Variants in EVI5 observed in about 807,000 individuals in gnomAD.
EVI5 encodes the protein ecotropic viral integration site 5 protein homolog.
A neutral mutation model predicts 112.0 loss-of-function variants in EVI5; 73 were observed. That is an observed-to-expected ratio of 0.65 (90% CI 0.54 to 0.79). EVI5 has a LOEUF of 0.79. EVI5 is among the 30% of genes least tolerant of loss of function. The pLI, the probability that EVI5 is intolerant of heterozygous loss-of-function variation, is 0.00. For missense variants in EVI5, 900 were observed against 968.8 expected (o/e 0.93, Z 0.94); for synonymous variants, 305 against 319.9 (o/e 0.95, Z 0.50).
At position 92,752,108 on chromosome 1, in the gene EVI5, A is replaced by AT. The variant is rs767555640; in HGVS notation, c.-81-15482dup. The stretch of plus-strand genomic sequence containing the variant: ...TGTTGAAGAGCCTGTAACTACTCTA[A>AT]TTTTATTAACTAACCCATTTTTCCT... On this transcript the variant is annotated intron_variant, in intron 1 of 19. Coordinates refer to ENST00000684568, the MANE Select transcript of EVI5 (RefSeq NM_001350197.2). 7.2e-5 allele frequency among the ~76,000 whole-genome samples: 11 copies of AT among 152,216 alleles called. No homozygotes were observed. In the South Asian group the frequency reaches 2.1e-3, roughly 29 times the overall value.
intron 18 of EVI5, among the ~76,000 whole-genome samples, chr1:92,589,667 T>C (rs574093383): frequency 5.9e-5 from 9 of 152,278 alleles, no homozygotes; most frequent in South Asian, 2.1e-4. Flanking sequence ...CCTGCCTGCC[T>C]CTGTAGACTC....
At chr1:92,726,807 G>A (rs1445756033) in intron 2 of EVI5, among the ~76,000 whole-genome samples, 4 of 152,138 alleles carry the variant, frequency 2.6e-5, no homozygotes, top group Non-Finnish European at 5.9e-5. Context: ...ATGCAAGTGT[G>A]CTATTATAAG....
intron 10 of EVI5, among the ~76,000 whole-genome samples, chr1:92,669,627 A>G (rs1266797834): frequency 2.0e-5 from 3 of 149,752 alleles, no homozygotes; most frequent in African/African-American, 4.9e-5. Context: ...TTATCTTTTT[A>G]AAATGTCTGT....
chr1:92,769,435 T>A (rs1248070756), intron 1 of EVI5, among the ~76,000 whole-genome samples: 1 of 152,208 alleles, frequency 6.6e-6, no homozygotes, highest in African/African-American at 2.4e-5. Flanking sequence ...TCTGTCCTTG[T>A]CAGTATTTGT....
intron 1 of EVI5, among the ~76,000 whole-genome samples, chr1:92,762,936 A>G (rs1012902425): frequency 2.6e-5 from 4 of 152,144 alleles, no homozygotes; most frequent in Non-Finnish European, 5.9e-5. Flanking sequence ...ATAACCATGT[A>G]GTGAAAACTG....
At chr1:92,769,383 A>G (rs1394319075) in intron 1 of EVI5, among the ~76,000 whole-genome samples, 2 of 152,220 alleles carry the variant, frequency 1.3e-5, no homozygotes, top group South Asian at 2.1e-4. Flanking sequence ...AAAATTTTAC[A>G]TATTTCCTTG....
At chr1:92,573,840 A>G (rs1185683744) in intron 18 of EVI5, among the ~76,000 whole-genome samples, 5 of 152,132 alleles carry the variant, frequency 3.3e-5, no homozygotes, top group South Asian at 2.1e-4. Flanking sequence ...TTAGGATCTG[A>G]GAAAATTCCA....
intron 18 of EVI5, among the ~76,000 whole-genome samples, chr1:92,567,459 C>G (rs1022194840): frequency 6.6e-6 from 1 of 152,180 alleles, no homozygotes; most frequent in African/African-American, 2.4e-5. Context: ...ATGCTCTATA[C>G]AGGTGTACCA....
In EVI5 at chr1:92,513,524, T is replaced by G. The variant is rs1480487448; in HGVS notation, c.*132A>C. 2 of 16,612 alleles carry G rather than the reference T, an allele frequency of 1.2e-4. No homozygotes were observed. The highest frequency in any genetic ancestry group is 6.1e-4 in the East Asian group (1 of 1,646). The allele number at this position is 16,612 out of a possible 1,614,324, so 1.0% of individuals were successfully genotyped here. A position where few individuals can be genotyped will look rare whatever the true frequency, so the allele number is the denominator to read the frequency against. ...TAAGACTGTAAAATATATATATATATATATATATATATATATATATATATA... is the reference window on the plus strand; with the variant it reads ...TAAGACTGTAAAATATATATATATAGATATATATATATATATATATATATA... On this transcript the variant is annotated 3_prime_UTR_variant, in exon 20 of 20. Transcript: ENST00000684568.
intron 1 of EVI5, among the ~76,000 whole-genome samples, chr1:92,737,579 C>G (rs1004548442): frequency 4.6e-5 from 7 of 151,878 alleles, no homozygotes; most frequent in African/African-American, 1.7e-4. Context: ...AAAGCTAACA[C>G]TGGTTTATAT....
Position 92,563,718 on chromosome 1 carries a change from T to C in EVI5, c.2090A>G (p.Gln697Arg). 6.2e-7 allele frequency: 1 copy of C among 1,606,306 alleles called. No homozygotes were observed. The highest frequency in any genetic ancestry group is 1.1e-5 in the South Asian group (1 of 89,970). The change falls in exon 19 of 20, where the codon CAA (glutamine) becomes CGA (arginine). Residue 697 changes from glutamine (Q) to arginine (R), a missense_variant. Physicochemically the swap from Gln to Arg is conservative, Grantham distance 43. Transcript: ENST00000684568. ...LEIQKEEGKL[Q>R]GQLNKSDSNQ... Reference sequence around the variant, plus strand: ...AGAATCAGACTTGTTAAGCTGTCCTTGAAGCTTTCCTTCTTCTTTCTGTTT... The same window carrying C: ...AGAATCAGACTTGTTAAGCTGTCCTCGAAGCTTTCCTTCTTCTTTCTGTTT...
chr1:92,712,212 A>G (rs1672953169), intron 2 of EVI5, among the ~76,000 whole-genome samples: 1 of 152,224 alleles, frequency 6.6e-6, no homozygotes, highest in South Asian at 2.1e-4. Flanking sequence ...CATGTCTCAG[A>G]GCAATAGAAA....
At chr1:92,761,996 G>T (rs1437714444) in intron 1 of EVI5, among the ~76,000 whole-genome samples, 2 of 152,030 alleles carry the variant, frequency 1.3e-5, no homozygotes, top group Non-Finnish European at 2.9e-5. Context: ...CCAAAAAGAA[G>T]AATTTCAAGT....
chr1:92,688,669 A>C (rs920774974), intron 9 of EVI5, among the ~76,000 whole-genome samples: 3 of 152,226 alleles, frequency 2.0e-5, no homozygotes, highest in Non-Finnish European at 4.4e-5. Context: ...TGTAGGAAAG[A>C]CTATAGATAG....
chr1:92,734,986 G>A (rs1677098867), intron 2 of EVI5, among the ~76,000 whole-genome samples: 3 of 152,142 alleles, frequency 2.0e-5, no homozygotes, highest in Non-Finnish European at 4.4e-5. Context: ...ACCAAGTGTT[G>A]ACAAGGATGT....
intron 19 of EVI5, among the ~76,000 whole-genome samples, chr1:92,519,422 C>T (rs1046566681): frequency 2.6e-5 from 4 of 152,076 alleles, no homozygotes; most frequent in East Asian, 1.9e-4. Flanking sequence ...AAGGAGATTT[C>T]GTGACACTAG....
chr1:92,784,064 G>C (rs1266534063), intron 1 of EVI5, among the ~76,000 whole-genome samples: 1 of 152,078 alleles, frequency 6.6e-6, no homozygotes, highest in Non-Finnish European at 1.5e-5. Flanking sequence ...ACTTCTTTTC[G>C]AAAGCAGCTC....
At chr1:92,780,852 ATT>A (rs869256592) in intron 1 of EVI5, among the ~76,000 whole-genome samples, 35 of 139,686 alleles carry the variant, frequency 2.5e-4, no homozygotes, top group African/African-American at 6.2e-4. Flanking sequence ...AAAAAAGTAA[ATT>A]TTTTTTTTTT....
At chr1:92,746,911 T>C (rs2893224) in intron 1 of EVI5, among the ~76,000 whole-genome samples, 134,550 of 149,554 alleles carry the variant, frequency 0.9, 60,656 homozygotes, top group East Asian at 0.97. Flanking sequence ...AAAAAAAAAG[T>C]TTTTTTAAAA....
Sources: allele counts gnomAD v4.1 joint callset (sites outside exome capture counted in the v4.1 genomes callset), GRCh38; gene constraint gnomAD v4.1.1; transcripts MANE v1.5; gene names NCBI Gene and HGNC (gene_info 2026-07-23, HGNC 2026-07-21).